PRDM2: variants seen among roughly 807,000 people sequenced by gnomAD.
The protein encoded by PRDM2 is PR domain zinc finger protein 2.
A neutral mutation model predicts 130.0 loss-of-function variants in PRDM2; 30 were observed. The observed-to-expected ratio is 0.23, with a 90% CI of 0.17 to 0.31. The LOEUF (loss-of-function observed/expected upper bound fraction) is 0.31. PRDM2 is among the 10% of genes least tolerant of loss of function. PRDM2 has a pLI of 1.00. For synonymous variants in PRDM2, 871 were observed against 782.4 expected (o/e 1.11, Z -1.89); for missense variants, 2,011 against 2,108.4 (o/e 0.95, Z 0.90).
At chr1:13,730,837 A>G (rs1211961052) in intron 2 of PRDM2, among the ~76,000 whole-genome samples, 163 bp from the exon 3 acceptor site, 4 of 152,084 alleles carry the variant, frequency 2.6e-5, no homozygotes, top group African/African-American at 7.2e-5. Context: ...ACAAGCATCA[A>G]AGCAGCTCCT....
intron 8 of PRDM2, among the ~76,000 whole-genome samples, chr1:13,789,216 A>G (rs1644799242): frequency 6.6e-6 from 1 of 152,242 alleles, no homozygotes; most frequent in African/African-American, 2.4e-5. Flanking sequence ...TTTTTAAAAA[A>G]TCAAAAGCTA....
chr1:13,786,127 C>T (rs760769437), intron 8 of PRDM2, among the ~76,000 whole-genome samples: 1 of 152,008 alleles, frequency 6.6e-6, no homozygotes, highest in Non-Finnish European at 1.5e-5. Flanking sequence ...TGTGAGCCAC[C>T]GTGCCTGGTG....
chr1:13,805,707 A>G (rs1019459992), intron 8 of PRDM2, among the ~76,000 whole-genome samples: 2 of 152,242 alleles, frequency 1.3e-5, no homozygotes, highest in Admixed American at 1.3e-4. Flanking sequence ...AGAGTTGTGT[A>G]AGACTTCTGC....
chr1:13,745,751 A>G, intron 5 of PRDM2, among the ~76,000 whole-genome samples: 1 of 152,198 alleles, frequency 6.6e-6, no homozygotes, highest in Non-Finnish European at 1.5e-5. Flanking sequence ...TTAAAGGAAT[A>G]GAACAAAAGC....
At chr1:13,721,488 C>A (rs545607883) in intron 2 of PRDM2, among the ~76,000 whole-genome samples, 1 of 151,930 alleles carries the variant, frequency 6.6e-6, no homozygotes, top group African/African-American at 2.4e-5. Flanking sequence ...TGGTTGCTAT[C>A]TGTTTTGACT....
intron 7 of PRDM2, among the ~76,000 whole-genome samples, chr1:13,777,710 C>G (rs534951337): frequency 9.7e-5 from 13 of 133,778 alleles, no homozygotes; most frequent in African/African-American, 3.1e-4. Context: ...GCAAGTCCTT[C>G]CCTGACTGCC....
intron 8 of PRDM2, among the ~76,000 whole-genome samples, chr1:13,800,247 A>G: frequency 6.6e-6 from 1 of 152,226 alleles, no homozygotes; most frequent in East Asian, 1.9e-4. Flanking sequence ...ATGTCAGATG[A>G]TAAATGCTAG....
In PRDM2 at chr1:13,731,003, A is replaced by G. The variant is rs760210498; in HGVS notation, c.13A>G (p.Thr5Ala). Residue 5 changes from threonine to alanine, a missense_variant, in exon 3 of 10, where the codon ACT becomes GCT. Thr to Ala is a moderately conservative substitution (Grantham distance 58). This residue lies in a region of PRDM2 where 79 missense variants were observed against 93.6 expected (regional missense o/e 0.84). Coordinates refer to ENST00000311066, the MANE Select transcript of PRDM2 (RefSeq NM_001393986.1). ...CCTTCCATTTCTTGACTTGCAGAACACTACTGAGCCTGTGGCGGCCACCGA... is the reference window on the plus strand; with the variant it reads ...CCTTCCATTTCTTGACTTGCAGAACGCTACTGAGCCTGTGGCGGCCACCGA... MNQN[T>A]TEPVAATETL... The G allele has an allele frequency of 2.6e-6, 4 of 1,529,734 alleles. No homozygotes were observed. Among genetic ancestry groups the G allele is most frequent in the Admixed American group, 3.9e-5 (2 of 50,812 alleles). 94.8% of individuals were successfully genotyped at this position (1,529,734 alleles called of 1,614,324 possible).
At chr1:13,746,090 A>T (rs1643595795) in intron 5 of PRDM2, among the ~76,000 whole-genome samples, 1 of 152,154 alleles carries the variant, frequency 6.6e-6, no homozygotes, top group African/African-American at 2.4e-5. Flanking sequence ...GTTTTATTTT[A>T]TATATGCTGA....
Position 13,780,800 on chromosome 1 carries a change from C to T in PRDM2, c.3005C>T (p.Ala1002Val). The change falls in exon 8 of 10, where the codon GCA becomes GTA. Residue 1002 changes from alanine (A) to valine (V), a missense_variant. Ala to Val is a moderately conservative substitution (Grantham distance 64). This residue lies in a region of PRDM2 where 1,288 missense variants were observed against 1,237.7 expected (regional missense o/e 1.04). Coordinates refer to ENST00000311066, the MANE Select transcript of PRDM2 (RefSeq NM_001393986.1). ...TVPLPAPSSS[A>V]SPHPCPSPLS... The stretch of plus-strand genomic sequence containing the variant: ...CCTCTTCCAGCCCCCTCTTCCAGTG[C>T]ATCTCCACACCCATGCCCCTCTCCA... The T allele has an allele frequency of 6.3e-7, 1 of 1,586,460 alleles. No homozygotes were observed.
In PRDM2 at chr1:13,810,424, G is replaced by A. The variant is rs111241801; in HGVS notation, c.5037-6003G>A. Among the ~76,000 whole-genome samples, 89 of 152,110 alleles carry A rather than the reference G, an allele frequency of 5.9e-4. 1 individual carries two copies. The Middle Eastern group carries it at 0.01, about 18-fold the overall frequency. ...GCTGTGGACTTGTAAGCCATCGGCC[G>A]TATTCGTTTGAATTGTGTGTACAGT... On this transcript the variant is annotated intron_variant, in intron 8 of 9. Coordinates refer to ENST00000311066, the MANE Select transcript of PRDM2 (RefSeq NM_001393986.1).
chr1:13,810,972 G>A (rs536260530), intron 8 of PRDM2, among the ~76,000 whole-genome samples: 2 of 151,822 alleles, frequency 1.3e-5, no homozygotes, highest in African/African-American at 4.8e-5. Context: ...ATCACCTGAG[G>A]TGAGGAGTTG....
At chr1:13,738,803 TG>T (rs1643349190) in intron 4 of PRDM2, 1 of 152,212 alleles carries the variant, frequency 6.6e-6, no homozygotes, top group Admixed American at 6.5e-5. Context: ...GTGAAGTAGT[TG>T]ATACTGAAGA....
intron 4 of PRDM2, among the ~76,000 whole-genome samples, chr1:13,740,861 G>T (rs1215875358): frequency 6.6e-6 from 1 of 152,188 alleles, no homozygotes; most frequent in Non-Finnish European, 1.5e-5. Flanking sequence ...CAGAAGAGCA[G>T]CATCCTCACC....
rs1419162253 is a variant in PRDM2, at chr1:13,808,625, T to C, written c.5037-7802T>C. Among the ~76,000 whole-genome samples the C allele has an allele frequency of 2.0e-5, 3 of 152,154 alleles. No individual in the cohort carries two copies. The East Asian group carries it at 5.8e-4, about 29-fold the overall frequency. ...TTTCCCTCCCCTGCACTGAACAGAT[T>C]TCTTGGTGTCTGAGAACAGCTGTGC... On this transcript the variant is annotated intron_variant, in intron 8 of 9. Coordinates refer to ENST00000311066, the MANE Select transcript of PRDM2 (RefSeq NM_001393986.1).
At chr1:13,787,215 A>G (rs941479910) in intron 8 of PRDM2, 1 of 983,832 alleles carries the variant, frequency 1.0e-6, no homozygotes, top group Non-Finnish European at 1.2e-6. Context: ...CTAATTTATA[A>G]CTATTATATT....
At chr1:13,770,218 T>C (rs1298948485) in intron 6 of PRDM2, 1 of 385,290 alleles carries the variant, frequency 2.6e-6, no homozygotes. Context: ...AAAAGGGAGT[T>C]CTCGCTGATT....
In PRDM2 at chr1:13,781,463, A is replaced by G; in HGVS notation, c.3668A>G (p.Glu1223Gly). 2 of 1,613,798 alleles carry G rather than the reference A, an allele frequency of 1.2e-6. No individual in the cohort carries two copies. The highest frequency in any genetic ancestry group is 1.7e-6 in the Non-Finnish European group (2 of 1,179,922). The change falls in exon 8 of 10, where the codon GAG (glutamate) becomes GGG (glycine). Residue 1223 changes from glutamate (E) to glycine (G), a missense_variant. Glu to Gly is a moderately conservative substitution (Grantham distance 98). Coordinates refer to ENST00000311066, the MANE Select transcript of PRDM2 (RefSeq NM_001393986.1). This position sits in a 1 kb window ranked among gnomAD's most constrained non-coding sequence, Gnocchi z 6.1. ...CCAGATAAGGTGTGCACACATCACG[A>G]GTTTGAAAGCGGGACTCTGAGGCCC... ...LHPDKVCTHH[E>G]FESGTLRPQN...
intron 4 of PRDM2, 140 bp from the exon 5 acceptor site, chr1:13,741,865 G>T (rs781531264): frequency 2.8e-5 from 17 of 615,334 alleles, no homozygotes; most frequent in South Asian, 1.4e-4. Flanking sequence ...TTTCTCTGTC[G>T]CTTGTTTTGT....
Sources: gnomAD v4.1 joint callset for allele counts (sites outside exome capture counted in the v4.1 genomes callset) on GRCh38, gnomAD v4.1.1 for gene constraint, gnomAD v4.1.1 regional missense constraint, Gnocchi (gnomAD v3.1) non-coding constraint, MANE v1.5 for transcripts, NCBI Gene and HGNC (gene_info 2026-07-23, HGNC 2026-07-21) for gene names.